The following TAF4B variants were observed in gnomAD, a reference collection of about 807,000 sequenced individuals.
TAF4B encodes TATA-box binding protein associated factor 4b.
In TAF4B, 38 loss-of-function variants were observed where a neutral mutation model predicts 86.4. The ratio of observed to expected loss-of-function variants is 0.44; its 90% CI spans 0.34 to 0.58. The LOEUF is 0.58. Ranked by LOEUF, TAF4B falls within the 20% of genes least tolerant of loss-of-function variation. The pLI, the probability that TAF4B is intolerant of heterozygous loss-of-function variation, is 0.02. For synonymous variants in TAF4B, 388 were observed against 391.2 expected, an observed-to-expected ratio of 0.99 and a Z score of 0.10; for missense variants, 988 against 1,027.6, an observed-to-expected ratio of 0.96 and a Z score of 0.53.
In TAF4B at chr18:26,286,212, A is replaced by C; in HGVS notation, c.1303A>C (p.Lys435Gln). ...TGGAACTGGTTTGCTTCAGACTTCA[A>C]AACCACTTGTGACATCTGTGGCAAA... ...TAGTGLLQTS[K>Q]PLVTSVANTV... The change falls in exon 7 of 15, where the codon AAA (lysine) becomes CAA (glutamine). Residue 435 changes from lysine to glutamine, a missense_variant. Physicochemically the swap from Lys to Gln is moderately conservative, Grantham distance 53. Around this residue, in one of 3 missense-constraint regions of TAF4B, gnomAD observed 747 missense variants for 737.9 expected, o/e 1.01. Transcript: ENST00000269142. 6.2e-7 allele frequency: 1 copy of C among 1,614,200 alleles called. No homozygotes were observed. The highest frequency in any genetic ancestry group is 8.5e-7 in the Non-Finnish European group (1 of 1,180,022).
intron 1 of TAF4B, among the ~76,000 whole-genome samples, chr18:26,231,034 CTTTTTTTTT>C (rs536863843): frequency 3.5e-4 from 23 of 66,168 alleles, no homozygotes; most frequent in African/African-American, 7.5e-4. Context: ...TGTTGTTTTG[CTTTTTTTTT>C]TTTTTTTTTT....
chr18:26,255,159 C>G (rs1366112344), intron 1 of TAF4B, among the ~76,000 whole-genome samples: 2 of 151,778 alleles, frequency 1.3e-5, no homozygotes, highest in East Asian at 3.9e-4. Context: ...CCTGAAATTC[C>G]CCTGGTTTCA....
chr18:26,282,042 C>T lies in TAF4B; in HGVS notation c.954C>T (p.His318=), dbSNP rs562672220. 9 of 1,612,780 alleles carry T rather than the reference C, an allele frequency of 5.6e-6. No homozygotes were observed. In the African/African-American group the frequency reaches 6.7e-5, roughly 12 times the overall value. Residue 318 remains histidine (H), a synonymous_variant, in exon 6 of 15, where the codon CAC becomes CAT. Transcript: ENST00000269142. The part of the protein sequence containing the change: ...YVELKSSPQP[H]LVPFLKKSVV... ...AACTCAAGTCTTCACCTCAGCCTCA[C>T]CTGGTTCCTTTTCTTAAGGTAGAGT...
At chr18:26,255,071 G>A (rs1284952783) in intron 1 of TAF4B, among the ~76,000 whole-genome samples, 1 of 151,978 alleles carries the variant, frequency 6.6e-6, no homozygotes, top group African/African-American at 2.4e-5. Flanking sequence ...CTTAAAAAAT[G>A]CCCCAACCAC....
chr18:26,282,605 A>T (rs1363956612), intron 6 of TAF4B, among the ~76,000 whole-genome samples: 7 of 152,224 alleles, frequency 4.6e-5, no homozygotes, highest in Admixed American at 1.3e-4. Flanking sequence ...TTTGCTGGTC[A>T]AGGTGGTGGT....
At chr18:26,246,312 A>G (rs1300472580) in intron 1 of TAF4B, among the ~76,000 whole-genome samples, 1 of 152,226 alleles carries the variant, frequency 6.6e-6, no homozygotes, top group Non-Finnish European at 1.5e-5. Context: ...TAAACTAGGT[A>G]TATGATACAT....
At chr18:26,310,763 C>T (rs2056846502) in intron 9 of TAF4B, among the ~76,000 whole-genome samples, 1 of 152,152 alleles carries the variant, frequency 6.6e-6, no homozygotes, top group African/African-American at 2.4e-5. Context: ...CCCCCTATTA[C>T]CCAGGTTCCC....
In TAF4B at chr18:26,265,263, C is replaced by T; in HGVS notation, c.437C>T (p.Ser146Leu). ...GCCGAGACCACAAGTAACATAACCT[C>T]AAGGCCAGCAGTACCAGCGAATCCT... Reference protein sequence around the residue: ...TRAETTSNITSRPAVPANPQT... With the variant: ...TRAETTSNITLRPAVPANPQT... The change falls in exon 2 of 15, where the codon TCA becomes TTA. Residue 146 changes from serine (S) to leucine (L), a missense_variant. Physicochemically the swap from Ser to Leu is moderately radical, Grantham distance 145. This residue lies in a region of TAF4B where 747 missense variants were observed against 737.9 expected (regional missense o/e 1.01). Coordinates refer to ENST00000269142, the MANE Select transcript of TAF4B (RefSeq NM_005640.3). 1.9e-6 allele frequency: 3 copies of T among 1,614,116 alleles called. No individual in the cohort carries two copies. The highest frequency in any genetic ancestry group is 2.5e-6 in the Non-Finnish European group (3 of 1,180,032).
chr18:26,344,478 T>C (rs1217345589), intron 13 of TAF4B, among the ~76,000 whole-genome samples: 1 of 151,550 alleles, frequency 6.6e-6, no homozygotes, highest in Non-Finnish European at 1.5e-5. Flanking sequence ...CCTGCAGAAA[T>C]GAAGGTGAAA....
At chr18:26,285,210 C>CTTTTTTTTTTTTT (rs113394710) in intron 6 of TAF4B, among the ~76,000 whole-genome samples, 99 of 42,200 alleles carry the variant, frequency 2.3e-3, no homozygotes, top group South Asian at 6.8e-3. Flanking sequence ...TCTTCCTTTC[C>CTTTTTTTTTTTTT]TTTTTTTTTT....
At chr18:26,252,696 G>A (rs1420172466) in intron 1 of TAF4B, among the ~76,000 whole-genome samples, 4 of 152,056 alleles carry the variant, frequency 2.6e-5, no homozygotes, top group African/African-American at 7.2e-5. Flanking sequence ...GTATTACAGC[G>A]TTTGTGTTCA....
intron 12 of TAF4B, among the ~76,000 whole-genome samples, chr18:26,333,896 CAG>C (rs2057070846): frequency 1.3e-5 from 2 of 152,074 alleles, no homozygotes; most frequent in Admixed American, 6.6e-5. Flanking sequence ...CAGTAGCACA[CAG>C]AGTAGAATCT....
chr18:26,262,353 A>C (rs1222035648), intron 1 of TAF4B, among the ~76,000 whole-genome samples: 1 of 152,108 alleles, frequency 6.6e-6, no homozygotes, highest in Non-Finnish European at 1.5e-5. Flanking sequence ...TGTTGAGCTG[A>C]GAAGGGAAAG....
chr18:26,342,077 C>A (rs1676991), intron 13 of TAF4B, among the ~76,000 whole-genome samples: 53,737 of 151,922 alleles, frequency 0.35, 11,571 homozygotes, highest in East Asian at 0.81. Context: ...CTATTTAAAA[C>A]ATTTCCATTG....
At chr18:26,346,887 A>ATGTGTGTG (rs1327852072) in intron 13 of TAF4B, among the ~76,000 whole-genome samples, 2 of 12,900 alleles carry the variant, frequency 1.6e-4, no homozygotes, top group African/African-American at 2.8e-4. Flanking sequence ...GTATATATAT[A>ATGTGTGTG]TATATATATA....
At chr18:26,301,134 T>C (rs1459906383) in intron 9 of TAF4B, among the ~76,000 whole-genome samples, 1 of 152,230 alleles carries the variant, frequency 6.6e-6, no homozygotes, top group African/African-American at 2.4e-5. Flanking sequence ...GTAATTGTTA[T>C]TGATCAAACT....
intron 13 of TAF4B, among the ~76,000 whole-genome samples, chr18:26,341,862 CCTTGA>C (rs2057139563): frequency 1.3e-5 from 2 of 152,072 alleles, no homozygotes; most frequent in Admixed American, 1.3e-4. Context: ...TTTTTGGTTC[CCTTGA>C]CTTAAGATTC....
chr18:26,249,850 GT>G (rs779226724), intron 1 of TAF4B, among the ~76,000 whole-genome samples: 6 of 152,120 alleles, frequency 3.9e-5, no homozygotes, highest in Non-Finnish European at 7.3e-5. Flanking sequence ...AGCCTCCTAA[GT>G]AGCTGGGATT....
In TAF4B at chr18:26,272,857, G is replaced by T. The variant is rs544150231; in HGVS notation, c.598-1806G>T. ...AGAGCAGGACTAAAGATATGAAAAG[G>T]AGGGAGACTTCCTTTTGAATGTGCA... is the stretch of plus-strand genomic sequence containing the variant. On this transcript the variant is annotated intron_variant, in intron 3 of 14. Coordinates refer to ENST00000269142, the MANE Select transcript of TAF4B (RefSeq NM_005640.3). 2.0e-5 allele frequency among the ~76,000 whole-genome samples: 3 copies of T among 151,430 alleles called. No homozygotes were observed. In the East Asian group the frequency reaches 5.9e-4, roughly 30 times the overall value.
Sources: allele counts gnomAD v4.1 joint callset (sites outside exome capture counted in the v4.1 genomes callset), GRCh38; gene constraint gnomAD v4.1.1; regional missense constraint gnomAD v4.1.1; transcripts MANE v1.5; gene names NCBI Gene and HGNC (gene_info 2026-07-23, HGNC 2026-07-21).